PLGRKT: variants seen among roughly 807,000 people sequenced by gnomAD.
The protein encoded by PLGRKT is plasminogen receptor (KT).
PLGRKT carries 22 observed loss-of-function variants against 18.5 expected under a neutral mutation model. That is an observed-to-expected ratio of 1.19 (90% CI 0.85 to 1.70). PLGRKT has a LOEUF of 1.70. Ranked by LOEUF, PLGRKT falls within the 40% of genes most tolerant of loss-of-function variation. PLGRKT has a pLI of 0.00. For synonymous variants in PLGRKT, 72 were observed against 52.8 expected (o/e 1.36, Z -1.58); for missense variants, 235 against 174.4 (o/e 1.35, Z -1.96).
Position 5,412,046 on chromosome 9 carries a change from C to A in PLGRKT, c.81+19851G>T, listed in dbSNP as rs547369589. Reference sequence around the variant, plus strand: ...ACAATGGTATAGTAGCCTCAACAAGCATTAAACCATACTAAAAAGTGTCTA... The same window carrying A: ...ACAATGGTATAGTAGCCTCAACAAGAATTAAACCATACTAAAAAGTGTCTA... On this transcript the variant is annotated intron_variant, in intron 3 of 5. Coordinates refer to ENST00000223864, the MANE Select transcript of PLGRKT (RefSeq NM_018465.4). Among the ~76,000 whole-genome samples, 4 of 152,262 alleles carry A rather than the reference C, an allele frequency of 2.6e-5. No individual in the cohort carries two copies. The South Asian group carries it at 8.3e-4, about 32-fold the overall frequency.
rs866828639 is a variant in PLGRKT at position 5,418,307 on chromosome 9, T to C, written c.81+13590A>G. The stretch of plus-strand genomic sequence containing the variant: ...GCCCCCTCATCTTCTCACTGGGATC[T>C]CATCACCAATGTGCTCAACCCCTAA... On this transcript the variant is annotated intron_variant, in intron 3 of 5. Coordinates refer to ENST00000223864, the MANE Select transcript of PLGRKT (RefSeq NM_018465.4). The surrounding 1 kb of genome is among the most constrained non-coding windows in gnomAD (Gnocchi z 4.2). 46 of 531,174 alleles carry C rather than the reference T, an allele frequency of 8.7e-5. No homozygotes were observed. The Middle Eastern group carries it at 5.6e-3, about 65-fold the overall frequency. 32.9% of individuals were successfully genotyped at this position (531,174 alleles called of 1,614,324 possible).
chr9:5,386,079 A>C (rs1817837358), intron 3 of PLGRKT, among the ~76,000 whole-genome samples: 1 of 151,866 alleles, frequency 6.6e-6, no homozygotes, highest in South Asian at 2.1e-4. Context: ...GACAAGGAGA[A>C]CAGATGCAAG....
At chr9:5,384,726 T>C (rs938082128) in intron 3 of PLGRKT, among the ~76,000 whole-genome samples, 3 of 151,826 alleles carry the variant, frequency 2.0e-5, no homozygotes, top group African/African-American at 7.3e-5. Flanking sequence ...AGTTAGAAAT[T>C]CAGAGCTACC....
chr9:5,361,647 A>T, intron 4 of PLGRKT, 111 bp downstream of exon 4: 1 of 986,502 alleles, frequency 1.0e-6, no homozygotes, highest in Non-Finnish European at 1.5e-6. Flanking sequence ...TACTTTGGTT[A>T]CATACACTAT....
chr9:5,418,466 CA>C lies in PLGRKT; in HGVS notation c.81+13430del. 9.4e-7 allele frequency: 1 copy of C among 1,064,114 alleles called. No individual in the cohort carries two copies. The highest frequency in any genetic ancestry group is 2.5e-5 in the East Asian group (1 of 39,742). The allele number at this position is 1,064,114 out of a possible 1,614,324, so 65.9% of individuals were successfully genotyped here. On this transcript the variant is annotated intron_variant, in intron 3 of 5. Coordinates refer to ENST00000223864, the MANE Select transcript of PLGRKT (RefSeq NM_018465.4). This position sits in a 1 kb window ranked among gnomAD's most constrained non-coding sequence, Gnocchi z 4.2. The stretch of plus-strand genomic sequence containing the variant: ...ACCAAGACGCAAGCCACCAAGATGA[CA>C]GTGCACACCCTCAACCACATGGAGC...
In PLGRKT at chr9:5,429,843, T is replaced by C. The variant is rs145808385; in HGVS notation, c.81+2054A>G. ...GGGGACGCAATCGTTGGTCTGCTGC[T>C]GAGCTCTTGTTAAAAATGAACCCAT... is the stretch of plus-strand genomic sequence containing the variant. On this transcript the variant is annotated intron_variant, in intron 3 of 5. Coordinates refer to ENST00000223864, the MANE Select transcript of PLGRKT (RefSeq NM_018465.4). Among the ~76,000 whole-genome samples, 4 of 152,328 alleles carry C rather than the reference T, an allele frequency of 2.6e-5. No individual in the cohort carries two copies. The East Asian group carries it at 7.7e-4, about 29-fold the overall frequency.
At chr9:5,390,992 T>C (rs1246535714) in intron 3 of PLGRKT, among the ~76,000 whole-genome samples, 1 of 151,936 alleles carries the variant, frequency 6.6e-6, no homozygotes, top group Non-Finnish European at 1.5e-5. Flanking sequence ...GTTTTTGCAC[T>C]ATTCGGTCTC....
intron 3 of PLGRKT, among the ~76,000 whole-genome samples, chr9:5,384,557 C>G (rs1003998501): frequency 3.9e-5 from 6 of 152,088 alleles, no homozygotes; most frequent in Non-Finnish European, 8.8e-5. Context: ...ATCTTCTTTT[C>G]ATATCAATAC....
chr9:5,383,236 G>A (rs1044093805), intron 3 of PLGRKT, among the ~76,000 whole-genome samples: 17 of 152,212 alleles, frequency 1.1e-4, no homozygotes, highest in African/African-American at 4.1e-4. Context: ...AGAGCCTTCA[G>A]AGAGACGGTG....
intron 2 of PLGRKT, among the ~76,000 whole-genome samples, chr9:5,433,955 C>G (rs1818895283): frequency 6.8e-6 from 1 of 146,274 alleles, no homozygotes; most frequent in Non-Finnish European, 1.5e-5. Flanking sequence ...GCCGCCCCGT[C>G]TGGGAGGAAG....
intron 3 of PLGRKT, among the ~76,000 whole-genome samples, chr9:5,391,957 A>G (rs933553249): frequency 6.6e-6 from 1 of 151,922 alleles, no homozygotes; most frequent in Non-Finnish European, 1.5e-5. Context: ...TGATCTCCTT[A>G]GCTGCAAGGA....
At chr9:5,400,644 C>A (rs1300899608) in intron 3 of PLGRKT, among the ~76,000 whole-genome samples, 1 of 151,940 alleles carries the variant, frequency 6.6e-6, no homozygotes, top group Non-Finnish European at 1.5e-5. Flanking sequence ...ATTTGAACCA[C>A]CAGAACATAT....
At chr9:5,359,249 G>T (rs1817208044) in intron 5 of PLGRKT, among the ~76,000 whole-genome samples, 1 of 151,934 alleles carries the variant, frequency 6.6e-6, no homozygotes, top group African/African-American at 2.4e-5. Flanking sequence ...ATAGAGACAG[G>T]ATTTCATCAT....
Position 5,419,854 on chromosome 9 carries a change from C to T in PLGRKT, c.81+12043G>A, listed in dbSNP as rs185606410. Among the ~76,000 whole-genome samples, 28 of 152,248 alleles carry T rather than the reference C, an allele frequency of 1.8e-4. No individual in the cohort carries two copies. The East Asian group carries it at 4.1e-3, about 22-fold the overall frequency. ...TAAGCATAAAATTACCATATGACTC[C>T]GCAACTCCATTACTAGGTATATACC... On this transcript the variant is annotated intron_variant, in intron 3 of 5. Transcript: ENST00000223864.
intron 3 of PLGRKT, among the ~76,000 whole-genome samples, chr9:5,406,303 T>C (rs7034535): frequency 0.62 from 93,542 of 151,996 alleles, 29,559 homozygotes; most frequent in South Asian, 0.76. Context: ...TAAAGACATA[T>C]ACATACGTAT....
intron 3 of PLGRKT, among the ~76,000 whole-genome samples, chr9:5,395,625 T>C (rs1818029815): frequency 6.6e-6 from 1 of 151,964 alleles, no homozygotes; most frequent in Non-Finnish European, 1.5e-5. Context: ...TGCAAATTCC[T>C]TTGTATAATG....
At chr9:5,425,365 T>C (rs946433506) in intron 3 of PLGRKT, among the ~76,000 whole-genome samples, 9 of 152,206 alleles carry the variant, frequency 5.9e-5, no homozygotes, top group East Asian at 1.9e-4. Flanking sequence ...ACTAGTAGCA[T>C]GAATCCTCTC....
In PLGRKT at chr9:5,418,779, C is replaced by T. The variant is rs763423293; in HGVS notation, c.81+13118G>A. On this transcript the variant is annotated intron_variant, in intron 3 of 5. Coordinates refer to ENST00000223864, the MANE Select transcript of PLGRKT (RefSeq NM_018465.4). This position sits in a 1 kb window ranked among gnomAD's most constrained non-coding sequence, Gnocchi z 4.2. ...GGACCTCGGGGTCGTCGAGGAGCTG[C>T]GACACGGAGAAGTCAGGGGGCAGCT... The T allele has an allele frequency of 2.3e-5, 18 of 775,782 alleles. No homozygotes were observed. Among genetic ancestry groups the T allele is most frequent in the African/African-American group, 8.6e-5 (5 of 58,184 alleles). The allele number at this position is 775,782 out of a possible 1,614,324, so 48.1% of individuals were successfully genotyped here. A position where few individuals can be genotyped will look rare whatever the true frequency, so the allele number is the denominator to read the frequency against.
chr9:5,359,649 A>G (rs1184999878), intron 5 of PLGRKT, among the ~76,000 whole-genome samples: 1 of 152,222 alleles, frequency 6.6e-6, no homozygotes, highest in Non-Finnish European at 1.5e-5. Flanking sequence ...CACTATTAAC[A>G]TGGAAAAAAA....
Sources: allele counts gnomAD v4.1 joint callset (sites outside exome capture counted in the v4.1 genomes callset), GRCh38; gene constraint gnomAD v4.1.1; non-coding constraint Gnocchi (gnomAD v3.1); transcripts MANE v1.5; gene names NCBI Gene and HGNC (gene_info 2026-07-23, HGNC 2026-07-21).